The following PCNT variants were observed in gnomAD, a reference collection of about 807,000 sequenced individuals.
The protein encoded by PCNT is pericentrin.
Under a neutral mutation model 380.4 loss-of-function variants are expected in PCNT, and 319 were observed. The observed-to-expected ratio is 0.84, with a 90% CI of 0.77 to 0.92. PCNT has a LOEUF of 0.92. Among genes scored for constraint, PCNT ranks in the 40% least tolerant of loss-of-function variants. The probability of loss-of-function intolerance (pLI) is 0.00; values close to 1 mark genes in which losing one functional copy is unlikely to be tolerated. For synonymous variants in PCNT, 1,845 were observed against 1,735.2 expected (o/e 1.06, Z -1.57); for missense variants, 4,400 against 4,255.3 (o/e 1.03, Z -0.95).
At chr21:46,392,846 G>T (rs976344815) in intron 21 of PCNT, among the ~76,000 whole-genome samples, 1 of 152,200 alleles carries the variant, frequency 6.6e-6, no homozygotes, top group African/African-American at 2.4e-5. Context: ...GATGCTGAAG[G>T]ATTAGCCTGG....
At chr21:46,428,310 C>G (rs1238241349) in intron 34 of PCNT, 85 bp from the exon 35 acceptor site, 1 of 1,241,282 alleles carries the variant, frequency 8.1e-7, no homozygotes, top group Non-Finnish European at 1.2e-6. Flanking sequence ...CCCGGCGGAG[C>G]TGGTTTTGAG....
At chr21:46,397,199 C>T (rs1237439519) in intron 21 of PCNT, 66 bp from the exon 22 acceptor site, 5 of 1,215,798 alleles carry the variant, frequency 4.1e-6, no homozygotes, top group Middle Eastern at 2.2e-4. Flanking sequence ...TCAGGAGATG[C>T]ACGTGTCATG....
chr21:46,370,253 C>T (rs1463749988), intron 15 of PCNT, among the ~76,000 whole-genome samples: 1 of 152,052 alleles, frequency 6.6e-6, no homozygotes, highest in Non-Finnish European at 1.5e-5. Flanking sequence ...TTGGCCTCCC[C>T]TCCTGTTGGG....
intron 42 of PCNT, among the ~76,000 whole-genome samples, chr21:46,440,559 T>C (rs1346736685): frequency 1.3e-5 from 2 of 152,228 alleles, no homozygotes; most frequent in African/African-American, 4.8e-5. Context: ...GTCCATCTCA[T>C]GCCCAGTTTG....
At chr21:46,358,420 C>T (rs1211787666) in intron 13 of PCNT, among the ~76,000 whole-genome samples, 1 of 152,202 alleles carries the variant, frequency 6.6e-6, no homozygotes, top group Non-Finnish European at 1.5e-5. Flanking sequence ...TGATCCCATG[C>T]TGTTTGTTAA....
At chr21:46,328,163 G>A (rs1465825021) in intron 2 of PCNT, among the ~76,000 whole-genome samples, 1 of 151,852 alleles carries the variant, frequency 6.6e-6, no homozygotes, top group Admixed American at 6.6e-5. Context: ...AAATTGAGTT[G>A]TTGGCAACAG....
chr21:46,334,613 A>C lies in PCNT; in HGVS notation c.484A>C (p.Ser162Arg). The change falls in exon 3 of 47, where the codon AGT becomes CGT. Residue 162 changes from serine (S) to arginine (R), a missense_variant. Transcript: ENST00000359568. ...AGAACAGCATGGGATGTTCACAGTC[A>C]GTGACCACCCACCAGAACAGCGTGG... The part of the protein sequence containing the change: ...PPEQHGMFTV[S>R]DHPPEQRGMF... 1.9e-6 allele frequency: 3 copies of C among 1,606,698 alleles called. No individual in the cohort carries two copies. Among genetic ancestry groups the C allele is most frequent in the Non-Finnish European group, 2.6e-6 (3 of 1,174,716 alleles).
intron 2 of PCNT, among the ~76,000 whole-genome samples, chr21:46,329,470 A>G (rs953010255): frequency 3.9e-5 from 6 of 152,248 alleles, no homozygotes; most frequent in African/African-American, 1.2e-4. Flanking sequence ...GGTTACTTAT[A>G]TAACATTTTT....
At chr21:46,326,727 G>T in intron 2 of PCNT, 138 bp downstream of exon 2, 1 of 996,184 alleles carries the variant, frequency 1.0e-6, no homozygotes, top group Middle Eastern at 3.1e-4. Flanking sequence ...TTTATAAAAA[G>T]TGAGGGCCGG....
intron 15 of PCNT, among the ~76,000 whole-genome samples, chr21:46,373,110 G>A (rs748433544): frequency 2.0e-5 from 3 of 152,110 alleles, no homozygotes; most frequent in Admixed American, 2.0e-4. Context: ...GACCTTGAAC[G>A]CCTGGCCTCA....
chr21:46,355,424 G>C (rs143206680), intron 11 of PCNT, 28 bp from the exon 12 acceptor site: 1 of 1,611,734 alleles, frequency 6.2e-7, no homozygotes, highest in South Asian at 1.1e-5. Flanking sequence ...GCTCACTAAC[G>C]TGCTTGTCCC....
chr21:46,436,373 C>T (rs775343922), intron 39 of PCNT, among the ~76,000 whole-genome samples: 3 of 150,602 alleles, frequency 2.0e-5, no homozygotes, highest in Non-Finnish European at 4.4e-5. Flanking sequence ...ATACGCCTGA[C>T]GTGGGGCTTC....
At chr21:46,361,243 T>C (rs1432410653) in intron 13 of PCNT, among the ~76,000 whole-genome samples, 3 of 152,176 alleles carry the variant, frequency 2.0e-5, no homozygotes, top group Non-Finnish European at 1.5e-5. Flanking sequence ...ATAAAAAAAT[T>C]AGGCGAGTAT....
At chr21:46,379,719 G>A (rs1006218872) in intron 15 of PCNT, among the ~76,000 whole-genome samples, 40 of 152,050 alleles carry the variant, frequency 2.6e-4, no homozygotes, top group Admixed American at 1.0e-3. Flanking sequence ...GTCTGCTGCC[G>A]AACCCCTCTC....
rs769557050 is a variant in PCNT, at chr21:46,436,469, G to GCCCCCCCCCCCCCC, written c.8996+321_8996+322insCCCCCCCCCCCCCC. ...CAGGGTCGGGTTTGGAGCCTCCTGT[G>GCCCCCCCCCCCCCC]GCCCCCCCCCCCCCCCCCCGCTGGC... On this transcript the variant is annotated intron_variant, in intron 39 of 46. Coordinates refer to ENST00000359568, the MANE Select transcript of PCNT (RefSeq NM_006031.6). 2.0e-3 allele frequency among the ~76,000 whole-genome samples: 80 copies of GCCCCCCCCCCCCCC among 40,032 alleles called. 33 individuals are homozygous for GCCCCCCCCCCCCCC. Among genetic ancestry groups the GCCCCCCCCCCCCCC allele is most frequent in the Non-Finnish European group, 3.8e-3 (65 of 17,222 alleles). 26.3% of individuals were successfully genotyped at this position (40,032 alleles called of 152,430 possible).
rs2086838713 is a variant in PCNT, at chr21:46,412,951, G to T, written c.6109G>T (p.Val2037Leu). ...GCAGCTGCAGTCGGAGCTGCTCTTGGTGAAAAATGAAATGCGCCTGAGTCT... is the reference window on the plus strand; with the variant it reads ...GCAGCTGCAGTCGGAGCTGCTCTTGTTGAAAAATGAAATGCGCCTGAGTCT... ...QRQLQSELLL[V>L]KNEMRLSLED... is the part of the protein sequence containing the mutation. The change falls in exon 29 of 47, where the codon GTG becomes TTG. Residue 2037 changes from valine to leucine, a missense_variant. Coordinates refer to ENST00000359568, the MANE Select transcript of PCNT (RefSeq NM_006031.6). 1.2e-6 allele frequency: 2 copies of T among 1,611,570 alleles called. No individual in the cohort carries two copies. The highest frequency in any genetic ancestry group is 1.7e-6 in the Non-Finnish European group (2 of 1,180,034).
At chr21:46,398,820 C>CTTTTTTTTTTTTTTTTT (rs11331073) in intron 24 of PCNT, among the ~76,000 whole-genome samples, 1 of 114,560 alleles carries the variant, frequency 8.7e-6, no homozygotes, top group Non-Finnish European at 1.8e-5. Context: ...TTTTCTTTTT[C>CTTTTTTTTTTTTTTTTT]TTTTTTTTTT....
chr21:46,399,692 G>T lies in PCNT; in HGVS notation c.4687G>T (p.Glu1563Ter), dbSNP rs746297554. The T allele has an allele frequency of 1.2e-6, 2 of 1,613,810 alleles. No homozygotes were observed. Among genetic ancestry groups the T allele is most frequent in the Non-Finnish European group, 1.7e-6 (2 of 1,179,812 alleles). The change falls in exon 25 of 47, where the codon GAA (glutamate) becomes TAA (stop). Residue 1563 changes from glutamate (E) to a stop codon, truncating the protein, a stop_gained. Coordinates refer to ENST00000359568, the MANE Select transcript of PCNT (RefSeq NM_006031.6). LOFTEE classifies it high-confidence loss of function. Reference sequence around the variant, plus strand: ...TAGACAAGTGTTAATGCAGGAAGAAGAAATTAAACGTCTGGAGGAGATGAA... The same window carrying T: ...TAGACAAGTGTTAATGCAGGAAGAATAAATTAAACGTCTGGAGGAGATGAA... ...ADRQVLMQEE[E>*]IKRLEEMNIN...
intron 1 of PCNT, chr21:46,324,936 C>T: frequency 1.0e-6 from 1 of 985,428 alleles, no homozygotes; most frequent in South Asian, 4.7e-5. Context: ...CTCCCGGCCG[C>T]CGTCTTCTTC....
Sources: allele counts gnomAD v4.1 joint callset (sites outside exome capture counted in the v4.1 genomes callset), GRCh38; gene constraint gnomAD v4.1.1; transcripts MANE v1.5; gene names NCBI Gene and HGNC (gene_info 2026-07-23, HGNC 2026-07-21).